TDRD9: variants seen among roughly 807,000 people sequenced by gnomAD.
TDRD9 encodes the protein tudor domain containing 9, also known as ATP-dependent RNA helicase TDRD9.
A neutral mutation model predicts 172.6 loss-of-function variants in TDRD9; 124 were observed. The observed-to-expected ratio is 0.72, with a 90% confidence interval of 0.62 to 0.83. The LOEUF is 0.83. Ranked by LOEUF, TDRD9 falls within the 40% of genes least tolerant of loss-of-function variation. The pLI, the probability that TDRD9 is intolerant of heterozygous loss-of-function variation, is 0.00. For synonymous variants in TDRD9, 619 were observed against 617.1 expected (o/e 1.00, Z -0.05); for missense variants, 1,479 against 1,714.1 (o/e 0.86, Z 2.42).
intron 6 of TDRD9, among the ~76,000 whole-genome samples, chr14:103,970,968 T>C (rs528096121): frequency 6.6e-6 from 1 of 152,324 alleles, no homozygotes; most frequent in African/African-American, 2.4e-5. Context: ...ATGCAGAATC[T>C]GGATACAGAG....
At chr14:103,928,923 G>T in intron 1 of TDRD9, 199 bp downstream of exon 1, 2 of 183,062 alleles carry the variant, frequency 1.1e-5, no homozygotes, top group Non-Finnish European at 2.1e-5. Flanking sequence ...CTGAGCTAGA[G>T]GTTTTTTTTT....
intron 7 of TDRD9, among the ~76,000 whole-genome samples, chr14:103,978,940 A>G (rs1232068094): frequency 6.6e-6 from 1 of 152,126 alleles, no homozygotes. Context: ...GTAGCCTCCT[A>G]TAGCTATTTG....
In TDRD9 at chr14:104,022,310, C is replaced by T. The variant is rs770006335; in HGVS notation, c.2586C>T (p.Val862=). 1.2e-5 allele frequency: 20 copies of T among 1,612,568 alleles called. No homozygotes were observed. Among genetic ancestry groups the T allele is most frequent in the Non-Finnish European group, 1.7e-5 (20 of 1,179,372 alleles). The change falls in exon 24 of 36, where the codon GTC becomes GTT. Residue 862 remains valine (V), a synonymous_variant. Coordinates refer to ENST00000409874, the MANE Select transcript of TDRD9 (RefSeq NM_153046.3). ...AAGGGAAGGTGCAAGGCATGAACGT[C>T]TCAAAGCTCAGGAACACAAGGTATT... is the stretch of plus-strand genomic sequence containing the variant. ...EIEGKVQGMN[V]SKLRNTRVNV...
At chr14:103,929,536 C>G (rs1039237732) in intron 1 of TDRD9, among the ~76,000 whole-genome samples, 4 of 151,902 alleles carry the variant, frequency 2.6e-5, no homozygotes, top group African/African-American at 7.3e-5. Context: ...CCCCCACCCC[C>G]CGAGATGGAG....
chr14:103,958,063 G>C (rs1339382559), intron 2 of TDRD9, among the ~76,000 whole-genome samples: 1 of 152,182 alleles, frequency 6.6e-6, no homozygotes, highest in East Asian at 1.9e-4. Flanking sequence ...GACTGTATGA[G>C]ACAGCGAGAA....
chr14:103,998,164 C>G, intron 12 of TDRD9, among the ~76,000 whole-genome samples: 1 of 82,962 alleles, frequency 1.2e-5, no homozygotes, highest in Non-Finnish European at 2.3e-5. Flanking sequence ...ACACTTCTAC[C>G]CACCCACCCA....
chr14:103,965,127 G>C (rs987028867), intron 3 of TDRD9, among the ~76,000 whole-genome samples: 10 of 152,000 alleles, frequency 6.6e-5, no homozygotes, highest in Non-Finnish European at 1.2e-4. Flanking sequence ...CATGAGAATC[G>C]TTTGAACTCA....
At position 103,997,295 on chromosome 14, in the gene TDRD9, G is replaced by A. The variant is rs906782421; in HGVS notation, c.1379-1329G>A. 3.9e-5 allele frequency among the ~76,000 whole-genome samples: 6 copies of A among 152,222 alleles called. No individual in the cohort carries two copies. The highest frequency in any genetic ancestry group is 1.4e-4 in the African/African-American group (6 of 41,452). ...AAAAGGACAGCAGCGGTAGGGGACA[G>A]GAGGTGGGGGTAGATCCCAGGGAGA... On this transcript the variant is annotated intron_variant, in intron 12 of 35. Coordinates refer to ENST00000409874, the MANE Select transcript of TDRD9 (RefSeq NM_153046.3). The surrounding 1 kb of genome is among the most constrained non-coding windows in gnomAD (Gnocchi z 5.1).
intron 13 of TDRD9, among the ~76,000 whole-genome samples, chr14:104,000,065 C>A (rs902157567): frequency 5.3e-5 from 8 of 152,100 alleles, no homozygotes; most frequent in African/African-American, 1.9e-4. Flanking sequence ...CGGTGACTTA[C>A]ACCTGTAATC....
chr14:104,044,978 A>C (rs1457643503), intron 34 of TDRD9, among the ~76,000 whole-genome samples: 1 of 152,164 alleles, frequency 6.6e-6, no homozygotes, highest in Non-Finnish European at 1.5e-5. Flanking sequence ...CCCTGTCTCT[A>C]CTAAAAACAC....
intron 13 of TDRD9, among the ~76,000 whole-genome samples, chr14:103,999,615 GTGGCTTTTTTTTTTGTT>G (rs2034181559): frequency 6.6e-6 from 1 of 152,096 alleles, no homozygotes; most frequent in African/African-American, 2.4e-5. Context: ...AGACTGAGAA[GTGGCTTTTTTTTTTGTT>G]TGTTTTTTAG....
In TDRD9 at chr14:104,052,108, C is replaced by T. The variant is rs921013750; in HGVS notation, c.*26C>T. On this transcript the variant is annotated 3_prime_UTR_variant, in exon 36 of 36. Coordinates refer to ENST00000409874, the MANE Select transcript of TDRD9 (RefSeq NM_153046.3). ...GCATGTCCACAGGTGGCCTCCAGCA[C>T]ACCCCTCAGGAAGCTGTGGAGGCTG... 3.3e-6 allele frequency: 5 copies of T among 1,515,006 alleles called. No individual in the cohort carries two copies. Among genetic ancestry groups the T allele is most frequent in the Non-Finnish European group, 4.5e-6 (5 of 1,113,428 alleles). 93.8% of individuals were successfully genotyped at this position (1,515,006 alleles called of 1,614,324 possible). A position where few individuals can be genotyped will look rare whatever the true frequency, so the allele number is the denominator to read the frequency against.
intron 24 of TDRD9, 100 bp from the exon 25 acceptor site, chr14:104,024,469 G>A: frequency 1.7e-6 from 1 of 598,632 alleles, no homozygotes; most frequent in Non-Finnish European, 2.9e-6. Context: ...TTCTTTTCTT[G>A]TAGAAATATT....
At position 103,965,532 on chromosome 14, in the gene TDRD9, TGGGAGGTGTGGTGGGC is replaced by T; in HGVS notation, c.621_636del (p.Gly208ThrfsTer3). 6.7e-7 allele frequency: 1 copy of T among 1,494,818 alleles called. No individual in the cohort carries two copies. Among genetic ancestry groups the T allele is most frequent in the Non-Finnish European group, 9.0e-7 (1 of 1,115,212 alleles). The allele number at this position is 1,494,818 out of a possible 1,614,324, so 92.6% of individuals were successfully genotyped here. ...ATCAGTAAAGAGCGTGCCTGGACCC[TGGGAGGTGTGGTGGGC>T]TACCAGGTGAGACTGGGAGGGAGGG... On this transcript the variant is annotated frameshift_variant, in exon 4 of 36. Transcript: ENST00000409874. LOFTEE classifies it high-confidence loss of function.
intron 7 of TDRD9, among the ~76,000 whole-genome samples, chr14:103,984,806 G>A (rs11847797): frequency 0.34 from 51,473 of 151,992 alleles, 8,903 homozygotes; most frequent in Middle Eastern, 0.37. Context: ...ACCTGGAAAA[G>A]CTACAGACAT....
intron 28 of TDRD9, among the ~76,000 whole-genome samples, chr14:104,030,008 G>A (rs1167333188): frequency 6.6e-6 from 1 of 152,014 alleles, no homozygotes. Flanking sequence ...AAGAATACTG[G>A]GTATCAGGAA....
chr14:104,022,843 C>T (rs553282141), intron 24 of TDRD9, among the ~76,000 whole-genome samples: 10 of 152,236 alleles, frequency 6.6e-5, no homozygotes, highest in Non-Finnish European at 1.2e-4. Flanking sequence ...CACTTGGGCA[C>T]ATTACCTAAC....
At chr14:104,042,610 T>C (rs2035641874) in intron 34 of TDRD9, among the ~76,000 whole-genome samples, 2 of 152,180 alleles carry the variant, frequency 1.3e-5, no homozygotes, top group South Asian at 4.1e-4. Flanking sequence ...GGACTCTCCA[T>C]GGGACAAACC....
intron 22 of TDRD9, among the ~76,000 whole-genome samples, 181 bp from the exon 23 acceptor site, chr14:104,017,911 A>G (rs2034839975): frequency 6.6e-6 from 1 of 152,232 alleles, no homozygotes; most frequent in Non-Finnish European, 1.5e-5. Flanking sequence ...TTATTATAGA[A>G]CTTAGTTAGA....
Sources: gnomAD v4.1 joint callset for allele counts (sites outside exome capture counted in the v4.1 genomes callset) on GRCh38, gnomAD v4.1.1 for gene constraint, Gnocchi (gnomAD v3.1) non-coding constraint, MANE v1.5 for transcripts, NCBI Gene and HGNC (gene_info 2026-07-23, HGNC 2026-07-21) for gene names.